Variants in PLA2G4A observed in about 807,000 individuals in gnomAD.
PLA2G4A encodes phospholipase A2 group IVA.
Under a neutral mutation model 81.9 loss-of-function variants are expected in PLA2G4A, and 40 were observed. That is an observed-to-expected ratio of 0.49 (90% CI 0.38 to 0.64). PLA2G4A has a LOEUF of 0.64. Ranked by LOEUF, PLA2G4A falls within the 30% of genes least tolerant of loss-of-function variation. The pLI, the probability that PLA2G4A is intolerant of heterozygous loss-of-function variation, is 0.00. For synonymous variants in PLA2G4A, 302 were observed against 296.9 expected (o/e 1.02, Z -0.18); for missense variants, 715 against 905.1 (o/e 0.79, Z 2.69).
chr1:186,890,950 A>G (rs767526653), intron 3 of PLA2G4A, among the ~76,000 whole-genome samples: 24 of 152,032 alleles, frequency 1.6e-4, no homozygotes, highest in Non-Finnish European at 3.2e-4. Flanking sequence ...GATTTTTAAT[A>G]TGAGTGCCAC....
At chr1:186,854,474 A>G (rs1170538968) in intron 2 of PLA2G4A, 87 bp downstream of exon 2, 13 of 832,180 alleles carry the variant, frequency 1.6e-5, no homozygotes, top group Non-Finnish European at 2.6e-5. Context: ...GTAAAGTCAA[A>G]CTGTGACAAC....
chr1:186,851,832 T>C (rs1439359105), intron 1 of PLA2G4A, among the ~76,000 whole-genome samples: 1 of 151,968 alleles, frequency 6.6e-6, no homozygotes, highest in East Asian at 1.9e-4. Context: ...TACAGTATAA[T>C]AGTAAATGGA....
chr1:186,921,134 G>A (rs1240836093), intron 7 of PLA2G4A, among the ~76,000 whole-genome samples: 1 of 152,002 alleles, frequency 6.6e-6, no homozygotes, highest in Admixed American at 6.6e-5. Context: ...AATGCCTCAC[G>A]GTACCGTCTT....
chr1:186,846,646 G>T (rs889986768), intron 1 of PLA2G4A, among the ~76,000 whole-genome samples: 3 of 151,958 alleles, frequency 2.0e-5, no homozygotes, highest in African/African-American at 7.3e-5. Context: ...ATTTTATCCG[G>T]TGTGACAACC....
chr1:186,894,052 G>C (rs1654245734), intron 4 of PLA2G4A, 46 bp from the exon 5 acceptor site: 1 of 809,446 alleles, frequency 1.2e-6, no homozygotes, highest in Non-Finnish European at 2.2e-6. Context: ...CATTTCCAAA[G>C]ATCCATGGGA....
chr1:186,972,611 C>T (rs1449488448), intron 15 of PLA2G4A, among the ~76,000 whole-genome samples: 11 of 152,054 alleles, frequency 7.2e-5, no homozygotes, highest in South Asian at 2.1e-4. Context: ...TGTTGCCATA[C>T]GTTGGACATA....
intron 7 of PLA2G4A, among the ~76,000 whole-genome samples, chr1:186,925,130 C>A (rs940230323): frequency 6.6e-6 from 1 of 152,116 alleles, no homozygotes; most frequent in Non-Finnish European, 1.5e-5. Flanking sequence ...ACATGTGTAT[C>A]AACAACTTAG....
At chr1:186,959,640 CTGAA>C (rs2102264074) in intron 14 of PLA2G4A, among the ~76,000 whole-genome samples, 1 of 152,224 alleles carries the variant, frequency 6.6e-6, no homozygotes, top group African/African-American at 2.4e-5. Flanking sequence ...ACTGAATTTA[CTGAA>C]TGAACTAGTG....
intron 13 of PLA2G4A, 30 bp from the exon 14 acceptor site, chr1:186,956,072 T>C (rs1656741287): frequency 1.9e-6 from 3 of 1,603,518 alleles, no homozygotes; most frequent in African/African-American, 1.3e-5. Context: ...TATTTTGGAG[T>C]CTGTATGGTG....
At chr1:186,838,049 A>G (rs755073921) in intron 1 of PLA2G4A, among the ~76,000 whole-genome samples, 2 of 152,032 alleles carry the variant, frequency 1.3e-5, no homozygotes, top group Non-Finnish European at 2.9e-5. Context: ...TAAGAGTGGG[A>G]GTTGGGGTGG....
intron 14 of PLA2G4A, among the ~76,000 whole-genome samples, chr1:186,957,966 A>G (rs889068198): frequency 6.6e-6 from 1 of 152,226 alleles, no homozygotes; most frequent in Admixed American, 6.5e-5. Context: ...GATATTTCCA[A>G]AAAATTTTTC....
intron 13 of PLA2G4A, among the ~76,000 whole-genome samples, chr1:186,951,809 G>A (rs1030256788): frequency 2.0e-5 from 3 of 152,086 alleles, no homozygotes; most frequent in African/African-American, 7.2e-5. Flanking sequence ...CATTAAAAAA[G>A]AGGATTCCTT....
chr1:186,905,478 T>G (rs898260879), intron 5 of PLA2G4A, among the ~76,000 whole-genome samples: 4 of 152,204 alleles, frequency 2.6e-5, no homozygotes, highest in Non-Finnish European at 5.9e-5. Context: ...AATCACCCTT[T>G]GACGTTACAT....
chr1:186,988,700 A>G lies in PLA2G4A; in HGVS notation c.*192A>G. The G allele has an allele frequency of 2.0e-6, 1 of 503,522 alleles. No homozygotes were observed. Among genetic ancestry groups the G allele is most frequent in the East Asian group, 3.9e-5 (1 of 25,444 alleles). The allele number at this position is 503,522 out of a possible 1,614,324, so 31.2% of individuals were successfully genotyped here. ...GGTTGACAAATGATGTTGATTATGT[A>G]AGGATATACTTAGCTACATTTTCAG... On this transcript the variant is annotated 3_prime_UTR_variant, in exon 18 of 18. Coordinates refer to ENST00000367466, the MANE Select transcript of PLA2G4A (RefSeq NM_024420.3).
At chr1:186,969,547 T>C (rs373614833) in intron 15 of PLA2G4A, among the ~76,000 whole-genome samples, 2 of 151,952 alleles carry the variant, frequency 1.3e-5, no homozygotes, top group East Asian at 3.8e-4. Flanking sequence ...CATTCACTCT[T>C]TATTTCCCCT....
intron 3 of PLA2G4A, among the ~76,000 whole-genome samples, chr1:186,891,299 A>G (rs1654129216): frequency 6.6e-6 from 1 of 152,180 alleles, no homozygotes; most frequent in Non-Finnish European, 1.5e-5. Context: ...GATTTGTTGC[A>G]AATAATCCAA....
chr1:186,855,912 T>C (rs183273162), intron 2 of PLA2G4A, among the ~76,000 whole-genome samples: 2 of 152,236 alleles, frequency 1.3e-5, no homozygotes, highest in Admixed American at 6.6e-5. Flanking sequence ...GCGCCAATAC[T>C]AATCTATCCT....
chr1:186,975,709 T>C (rs955148263), intron 15 of PLA2G4A, among the ~76,000 whole-genome samples: 33 of 152,194 alleles, frequency 2.2e-4, no homozygotes, highest in African/African-American at 7.7e-4. Context: ...TTCCTCATTA[T>C]CTCTGCGTTG....
At chr1:186,830,986 CTT>C (rs1306530488) in intron 1 of PLA2G4A, among the ~76,000 whole-genome samples, 9 of 139,196 alleles carry the variant, frequency 6.5e-5, no homozygotes, top group Admixed American at 5.0e-4. Context: ...TTCTTTCTTT[CTT>C]TCTTTCTTTC....
Sources: gnomAD v4.1 joint callset for allele counts (sites outside exome capture counted in the v4.1 genomes callset) on GRCh38, gnomAD v4.1.1 for gene constraint, MANE v1.5 for transcripts, NCBI Gene and HGNC (gene_info 2026-07-23, HGNC 2026-07-21) for gene names.